The following ANKS1B variants were observed in gnomAD, a reference collection of about 807,000 sequenced individuals.
ANKS1B encodes the protein ankyrin repeat and sterile alpha motif domain containing 1B, also known as ankyrin repeat and sterile alpha motif domain-containing protein 1B.
ANKS1B carries 36 observed loss-of-function variants against 148.3 expected under a neutral mutation model. The ratio of observed to expected loss-of-function variants is 0.24; its 90% CI spans 0.19 to 0.32. The LOEUF is 0.32. Ranked by LOEUF, ANKS1B falls within the 10% of genes least tolerant of loss-of-function variation. ANKS1B has a pLI of 1.00. For synonymous variants in ANKS1B, 542 were observed against 560.8 expected, an observed-to-expected ratio of 0.97 and a Z score of 0.47; for missense variants, 1,157 against 1,542.6, an observed-to-expected ratio of 0.75 and a Z score of 4.19.
downstream of ANKS1B, chr12:98,743,885 T>C (rs1022191979): frequency 3.2e-6 from 2 of 619,112 alleles, no homozygotes; most frequent in East Asian, 1.4e-4. Context: ...AAAAGTCCCT[T>C]TAGCTGTAGA....
chr12:98,832,237 T>A, intron 17 of ANKS1B, 101 bp from the exon 18 acceptor site: 1 of 889,022 alleles, frequency 1.1e-6, no homozygotes, highest in Non-Finnish European at 1.7e-6. Context: ...GCAAAGTTAC[T>A]CCTGCACCAT....
At chr12:98,819,647 G>A (rs560054963) in intron 19 of ANKS1B, among the ~76,000 whole-genome samples, 185 of 152,310 alleles carry the variant, frequency 1.2e-3, no homozygotes, top group African/African-American at 4.2e-3. Flanking sequence ...GTGGCTGTCT[G>A]TAAGGATGTA....
intron 16 of ANKS1B, 80 bp from the exon 17 acceptor site, chr12:99,053,389 T>G (rs997000817): frequency 5.3e-6 from 6 of 1,140,936 alleles, no homozygotes; most frequent in Middle Eastern, 4.2e-4. Flanking sequence ...CCCTTGAAAA[T>G]TTATTTGACA....
At chr12:99,415,038 AG>A (rs2094851388) in intron 11 of ANKS1B, among the ~76,000 whole-genome samples, 1 of 152,188 alleles carries the variant, frequency 6.6e-6, no homozygotes, top group Admixed American at 6.5e-5. Context: ...GGATAATAAA[AG>A]TTCTAGTTTT....
intron 16 of ANKS1B, among the ~76,000 whole-genome samples, chr12:99,057,721 G>A (rs1032975324): frequency 6.6e-6 from 1 of 150,462 alleles, no homozygotes; most frequent in Non-Finnish European, 1.5e-5. Flanking sequence ...AATAGAATGC[G>A]TGAAGTGTCA....
At chr12:98,820,206 G>C (rs2099172758) in intron 19 of ANKS1B, among the ~76,000 whole-genome samples, 1 of 152,222 alleles carries the variant, frequency 6.6e-6, no homozygotes, top group Non-Finnish European at 1.5e-5. Context: ...CAACACTGTG[G>C]TTCACACGAC....
At chr12:99,184,648 T>C (rs940608943) in intron 14 of ANKS1B, among the ~76,000 whole-genome samples, 3 of 152,196 alleles carry the variant, frequency 2.0e-5, no homozygotes, top group African/African-American at 4.8e-5. Context: ...ATTTTTGGAG[T>C]TCAAACTATA....
chr12:99,163,803 T>C (rs1394738340), intron 14 of ANKS1B, among the ~76,000 whole-genome samples: 1 of 152,218 alleles, frequency 6.6e-6, no homozygotes, highest in Non-Finnish European at 1.5e-5. Flanking sequence ...TGTCAGTAGC[T>C]TATTTTTTCA....
intron 17 of ANKS1B, among the ~76,000 whole-genome samples, chr12:98,872,790 C>A (rs2099675145): frequency 6.6e-6 from 1 of 152,118 alleles, no homozygotes; most frequent in Admixed American, 6.5e-5. Context: ...GACTTCCAGC[C>A]TCCAGAACTG....
intron 8 of ANKS1B, among the ~76,000 whole-genome samples, chr12:99,688,872 G>C (rs577829080): frequency 7.7e-4 from 112 of 145,806 alleles, no homozygotes; most frequent in Non-Finnish European, 1.4e-3. Flanking sequence ...ATGAGCAAGT[G>C]CTAAATTTAA....
intron 1 of ANKS1B, among the ~76,000 whole-genome samples, chr12:99,944,502 T>C (rs1229598687): frequency 1.3e-5 from 2 of 152,194 alleles, no homozygotes; most frequent in African/African-American, 4.8e-5. Context: ...GATGTTGTTC[T>C]TACTGGGACA....
chr12:98,933,101 T>G (rs1022198779), intron 17 of ANKS1B, among the ~76,000 whole-genome samples: 8 of 152,284 alleles, frequency 5.3e-5, no homozygotes, highest in East Asian at 3.9e-4. Flanking sequence ...GACTGAAACT[T>G]TATGGCTGTT....
intron 9 of ANKS1B, among the ~76,000 whole-genome samples, chr12:99,511,470 G>A (rs1385877586): frequency 5.3e-5 from 8 of 151,910 alleles, no homozygotes; most frequent in South Asian, 2.1e-4. Context: ...AATCAATATC[G>A]TGAAAATGGC....
At chr12:98,863,266 C>CT (rs1448230507) in intron 17 of ANKS1B, among the ~76,000 whole-genome samples, 1 of 152,198 alleles carries the variant, frequency 6.6e-6, no homozygotes, top group African/African-American at 2.4e-5. Flanking sequence ...CCTCCGTCAC[C>CT]TGAGAAGAAC....
chr12:99,687,185 A>G (rs930928461), intron 8 of ANKS1B, among the ~76,000 whole-genome samples: 2 of 152,166 alleles, frequency 1.3e-5, no homozygotes, highest in African/African-American at 4.8e-5. Flanking sequence ...AGTTTATAAG[A>G]AAAAGTCTGG....
At chr12:99,281,567 C>T (rs555314891) in intron 12 of ANKS1B, among the ~76,000 whole-genome samples, 2 of 152,204 alleles carry the variant, frequency 1.3e-5, no homozygotes, top group East Asian at 1.9e-4. Flanking sequence ...TGTCTGTTGG[C>T]GGGTACTTCC....
At chr12:99,908,959 C>T (rs549319483) in intron 1 of ANKS1B, among the ~76,000 whole-genome samples, 65 of 152,232 alleles carry the variant, frequency 4.3e-4, no homozygotes, top group African/African-American at 1.5e-3. Context: ...GACATTCATG[C>T]TACATAATTA....
chr12:99,341,520 A>G (rs545351590), intron 12 of ANKS1B, among the ~76,000 whole-genome samples: 10 of 152,288 alleles, frequency 6.6e-5, no homozygotes, highest in African/African-American at 2.4e-4. Context: ...TGCTTGCCAC[A>G]TGTGGCTACT....
At chr12:99,193,785 T>C (rs2081040257) in intron 14 of ANKS1B, among the ~76,000 whole-genome samples, 1 of 149,292 alleles carries the variant, frequency 6.7e-6, no homozygotes, top group African/African-American at 2.4e-5. Context: ...TTCCATGTAT[T>C]TCTAGTTCTT....
Sources: allele counts gnomAD v4.1 joint callset (sites outside exome capture counted in the v4.1 genomes callset), GRCh38; gene constraint gnomAD v4.1.1; transcripts MANE v1.5; gene names NCBI Gene and HGNC (gene_info 2026-07-23, HGNC 2026-07-21).